Variants in COL8A1 observed in about 807,000 individuals in gnomAD.
COL8A1 encodes the protein collagen alpha-1(VIII) chain.
Under a neutral mutation model 42.7 loss-of-function variants are expected in COL8A1, and 21 were observed. That is an observed-to-expected ratio of 0.49 (90% CI 0.35 to 0.71). COL8A1 has a LOEUF of 0.71. Among genes scored for constraint, COL8A1 ranks in the 30% least tolerant of loss-of-function variants. The pLI, the probability that COL8A1 is intolerant of heterozygous loss-of-function variation, is 0.01. For synonymous variants in COL8A1, 367 were observed against 369.1 expected, an observed-to-expected ratio of 0.99 and a Z score of 0.06; for missense variants, 788 against 962.4, an observed-to-expected ratio of 0.82 and a Z score of 2.40.
chr3:99,771,223 T>C (rs149361443), intron 2 of COL8A1, among the ~76,000 whole-genome samples: 2 of 152,316 alleles, frequency 1.3e-5, no homozygotes, highest in Non-Finnish European at 2.9e-5. Context: ...CAAAGAATAA[T>C]TGGAAGGTAT....
intron 1 of COL8A1, among the ~76,000 whole-genome samples, chr3:99,714,507 A>C (rs149184142): frequency 6.6e-6 from 1 of 152,094 alleles, no homozygotes; most frequent in Non-Finnish European, 1.5e-5. Flanking sequence ...AATCTATCTG[A>C]GAAACTGACC....
chr3:99,741,309 T>C (rs1215492499), intron 1 of COL8A1, among the ~76,000 whole-genome samples: 1 of 152,206 alleles, frequency 6.6e-6, no homozygotes, highest in Non-Finnish European at 1.5e-5. Flanking sequence ...CTCTTTATAT[T>C]GGAAGGATAC....
At chr3:99,782,682 G>T (rs550569254) in intron 2 of COL8A1, among the ~76,000 whole-genome samples, 1 of 152,130 alleles carries the variant, frequency 6.6e-6, no homozygotes, top group Non-Finnish European at 1.5e-5. Context: ...GTGAGCCACC[G>T]CACCCGGCCC....
chr3:99,779,818 G>A (rs1244879263), intron 2 of COL8A1, among the ~76,000 whole-genome samples: 1 of 152,160 alleles, frequency 6.6e-6, no homozygotes, highest in East Asian at 1.9e-4. Flanking sequence ...CTGCATTCAG[G>A]TCAAGCTAAG....
chr3:99,710,420 G>T (rs1939801824), intron 1 of COL8A1, among the ~76,000 whole-genome samples: 1 of 152,106 alleles, frequency 6.6e-6, no homozygotes, highest in Non-Finnish European at 1.5e-5. Flanking sequence ...AAATAATAAA[G>T]TTATGTATAT....
chr3:99,787,489 C>A (rs999453763), intron 2 of COL8A1, among the ~76,000 whole-genome samples: 6 of 152,106 alleles, frequency 3.9e-5, no homozygotes, highest in African/African-American at 1.4e-4. Flanking sequence ...CTTTGAAAAT[C>A]TTTGACATTT....
At chr3:99,775,712 C>CCACCT (rs1433450342) in intron 2 of COL8A1, among the ~76,000 whole-genome samples, 1 of 152,182 alleles carries the variant, frequency 6.6e-6, no homozygotes, top group African/African-American at 2.4e-5. Context: ...CCAGGGCAAT[C>CCACCT]CACCTATACC....
At position 99,744,966 on chromosome 3, in the gene COL8A1, G is replaced by T. The variant is rs13080329; in HGVS notation, c.-59G>T. On this transcript the variant is annotated 5_prime_UTR_variant, in exon 2 of 4. Transcript: ENST00000652472. ...CCAGCCCCAGAGGTGTCACAGGAAG[G>T]CACCAGCAAGGACATTGGTCTTTGA... 0.18 allele frequency: 27,932 copies of T among 152,122 alleles called. 2,870 individuals are homozygous for T. Among genetic ancestry groups the T allele is most frequent in the African/African-American group, 0.26 (10,889 of 41,454 alleles). The allele number at this position is 152,122 out of a possible 1,614,324, so 9.4% of individuals were successfully genotyped here. A position where few individuals can be genotyped will look rare whatever the true frequency, so the allele number is the denominator to read the frequency against.
At chr3:99,754,173 C>CTTA (rs1442016847) in intron 2 of COL8A1, among the ~76,000 whole-genome samples, 5 of 152,106 alleles carry the variant, frequency 3.3e-5, no homozygotes, top group African/African-American at 1.2e-4. Context: ...AAGCCAAATG[C>CTTA]AACAAAATGA....
chr3:99,710,252 C>A (rs866418641), intron 1 of COL8A1, among the ~76,000 whole-genome samples: 1 of 152,068 alleles, frequency 6.6e-6, no homozygotes, highest in Non-Finnish European at 1.5e-5. Flanking sequence ...CTTTTGCCTG[C>A]GCTACTCACC....
intron 1 of COL8A1, among the ~76,000 whole-genome samples, chr3:99,707,825 G>T (rs551875256): frequency 8.5e-5 from 13 of 152,270 alleles, no homozygotes; most frequent in African/African-American, 3.1e-4. Context: ...TGAGCACTAT[G>T]TGCAGATACT....
intron 1 of COL8A1, among the ~76,000 whole-genome samples, chr3:99,690,494 T>C (rs1939184649): frequency 1.3e-5 from 2 of 152,176 alleles, no homozygotes; most frequent in Admixed American, 6.5e-5. Flanking sequence ...ACCTTAGTTT[T>C]TAAAGTCCCT....
chr3:99,680,698 T>G (rs976346484), intron 1 of COL8A1, among the ~76,000 whole-genome samples: 1 of 152,198 alleles, frequency 6.6e-6, no homozygotes, highest in African/African-American at 2.4e-5. Flanking sequence ...CTAACTGGTG[T>G]GAGATGGTAT....
intron 1 of COL8A1, among the ~76,000 whole-genome samples, chr3:99,649,211 ACT>A (rs776310422): frequency 2.0e-5 from 3 of 151,654 alleles, no homozygotes; most frequent in Non-Finnish European, 4.4e-5. Flanking sequence ...ACTCCCTAGA[ACT>A]CTCTGTACAA....
At chr3:99,790,382 C>G (rs1941977435) in intron 2 of COL8A1, among the ~76,000 whole-genome samples, 1 of 152,188 alleles carries the variant, frequency 6.6e-6, no homozygotes, top group Non-Finnish European at 1.5e-5. Flanking sequence ...GCTCTATTCC[C>G]AGGTGAAGAC....
intron 1 of COL8A1, among the ~76,000 whole-genome samples, chr3:99,707,466 T>G (rs557087342): frequency 6.6e-6 from 1 of 152,324 alleles, no homozygotes; most frequent in Admixed American, 6.5e-5. Context: ...ACTATTGTCC[T>G]CCTTGCTTCT....
intron 1 of COL8A1, among the ~76,000 whole-genome samples, chr3:99,689,827 A>G (rs1043665265): frequency 6.6e-6 from 1 of 152,198 alleles, no homozygotes; most frequent in African/African-American, 2.4e-5. Flanking sequence ...CTTCCCATCT[A>G]TTCAACTTCC....
intron 1 of COL8A1, among the ~76,000 whole-genome samples, chr3:99,657,630 T>C (rs1938064561): frequency 6.6e-6 from 1 of 152,184 alleles, no homozygotes; most frequent in South Asian, 2.1e-4. Flanking sequence ...GCATCTTAGC[T>C]TCAGGCCATC....
At chr3:99,669,126 TATATA>T (rs1938453978) in intron 1 of COL8A1, among the ~76,000 whole-genome samples, 3 of 83,558 alleles carry the variant, frequency 3.6e-5, no homozygotes, top group Non-Finnish European at 7.8e-5. Flanking sequence ...AAAAAAATTA[TATATA>T]TATATATATA....
Sources: allele counts gnomAD v4.1 joint callset (sites outside exome capture counted in the v4.1 genomes callset), GRCh38; gene constraint gnomAD v4.1.1; transcripts MANE v1.5; gene names NCBI Gene and HGNC (gene_info 2026-07-23, HGNC 2026-07-21).